MAP3K5: variants seen among roughly 807,000 people sequenced by gnomAD.
The protein encoded by MAP3K5 is ASK-1.
A neutral mutation model predicts 158.7 loss-of-function variants in MAP3K5; 56 were observed. The ratio of observed to expected loss-of-function variants is 0.35; its 90% CI spans 0.28 to 0.44. The LOEUF (loss-of-function observed/expected upper bound fraction) is 0.44. MAP3K5 is among the 20% of genes least tolerant of loss of function. The pLI is 1.00. For missense variants in MAP3K5, 1,294 were observed against 1,674.8 expected, an observed-to-expected ratio of 0.77 and a Z score of 3.97; for synonymous variants, 579 against 601.7, an observed-to-expected ratio of 0.96 and a Z score of 0.55.
chr6:136,634,858 C>T (rs1777544539), intron 14 of MAP3K5, among the ~76,000 whole-genome samples: 1 of 151,770 alleles, frequency 6.6e-6, no homozygotes, highest in Non-Finnish European at 1.5e-5. Context: ...TGAGCCACCA[C>T]ACCTGACTTC....
intron 18 of MAP3K5, among the ~76,000 whole-genome samples, chr6:136,606,372 G>A (rs1490057694): frequency 3.3e-5 from 5 of 151,970 alleles, no homozygotes; most frequent in African/African-American, 1.2e-4. Context: ...CAAACAAAAA[G>A]AATACAATGA....
chr6:136,605,001 T>C (rs1583259301), intron 19 of MAP3K5, among the ~76,000 whole-genome samples: 1 of 152,206 alleles, frequency 6.6e-6, no homozygotes, highest in Non-Finnish European at 1.5e-5. Flanking sequence ...TCTCACTTTA[T>C]AGCTGAGAAA....
At chr6:136,705,171 C>T (rs1562630082) in intron 2 of MAP3K5, 38 bp from the exon 3 acceptor site, 1 of 957,206 alleles carries the variant, frequency 1.0e-6, no homozygotes, top group African/African-American at 1.8e-5. Flanking sequence ...CAAGTTAATA[C>T]AAAACTGAAT....
chr6:136,646,195 T>C (rs546927390), intron 11 of MAP3K5, among the ~76,000 whole-genome samples: 34 of 152,250 alleles, frequency 2.2e-4, no homozygotes, highest in African/African-American at 7.9e-4. Context: ...ACAAGGAGAA[T>C]TTTTTAGCAC....
intron 26 of MAP3K5, among the ~76,000 whole-genome samples, chr6:136,562,837 A>AT (rs3040779): frequency 0.025 from 3,152 of 124,798 alleles, 94 homozygotes; most frequent in Admixed American, 0.07. Context: ...TGCCTGGCTA[A>AT]TTTTTTTTTT....
At chr6:136,787,984 T>C (rs1784916867) in intron 1 of MAP3K5, among the ~76,000 whole-genome samples, 1 of 152,244 alleles carries the variant, frequency 6.6e-6, no homozygotes, top group African/African-American at 2.4e-5. Context: ...GAAATCATAC[T>C]TTGTGAGGTA....
intron 7 of MAP3K5, among the ~76,000 whole-genome samples, chr6:136,685,975 T>C (rs866622416): frequency 6.6e-6 from 1 of 152,150 alleles, no homozygotes; most frequent in Non-Finnish European, 1.5e-5. Context: ...AATAAGACTA[T>C]GTTTGCACTA....
chr6:136,626,909 G>A (rs1198564847), intron 14 of MAP3K5, among the ~76,000 whole-genome samples: 1 of 152,092 alleles, frequency 6.6e-6, no homozygotes, highest in Admixed American at 6.6e-5. Flanking sequence ...CAGAGTTGTG[G>A]TTTGAAACCA....
chr6:136,761,945 A>C (rs1783778111), intron 1 of MAP3K5, among the ~76,000 whole-genome samples: 1 of 152,332 alleles, frequency 6.6e-6, no homozygotes, highest in South Asian at 2.1e-4. Flanking sequence ...TTTGGGGAGG[A>C]CTGGGCATTC....
chr6:136,715,855 A>T lies in MAP3K5; in HGVS notation c.588+4595T>A, dbSNP rs536128700. Among the ~76,000 whole-genome samples, 10 of 151,730 alleles carry T rather than the reference A, an allele frequency of 6.6e-5. No homozygotes were observed. The East Asian group carries it at 1.9e-3, about 29-fold the overall frequency. On this transcript the variant is annotated intron_variant, in intron 2 of 29. Transcript: ENST00000359015. ...ATATCAGCCTGGCCAACATGGCGAA[A>T]CCCCGTCTCTACTAAAATACAAAAA...
chr6:136,664,061 C>T (rs529556491), intron 8 of MAP3K5, among the ~76,000 whole-genome samples: 42 of 152,248 alleles, frequency 2.8e-4, no homozygotes, highest in African/African-American at 9.1e-4. Flanking sequence ...GGGCCACACA[C>T]GGGAGGTGAG....
At chr6:136,665,578 T>C (rs1214814094) in intron 8 of MAP3K5, among the ~76,000 whole-genome samples, 1 of 152,154 alleles carries the variant, frequency 6.6e-6, no homozygotes, top group Non-Finnish European at 1.5e-5. Flanking sequence ...ACTCCTGACC[T>C]CAGGTAATCC....
chr6:136,709,329 A>G (rs1392292686), intron 2 of MAP3K5, among the ~76,000 whole-genome samples: 2 of 152,200 alleles, frequency 1.3e-5, no homozygotes, highest in African/African-American at 4.8e-5. Context: ...CTCTGCTCCC[A>G]GCTAGCCATT....
At chr6:136,675,760 A>C (rs1779678074) in intron 7 of MAP3K5, among the ~76,000 whole-genome samples, 1 of 152,172 alleles carries the variant, frequency 6.6e-6, no homozygotes, top group Non-Finnish European at 1.5e-5. Flanking sequence ...TATAATAAAG[A>C]AAGCTGAAAT....
chr6:136,606,656 T>C (rs1776114275), intron 18 of MAP3K5, among the ~76,000 whole-genome samples: 1 of 152,176 alleles, frequency 6.6e-6, no homozygotes, highest in Non-Finnish European at 1.5e-5. Flanking sequence ...ATACAAATAA[T>C]ATAGTCAGCA....
chr6:136,701,146 C>A (rs1780837757), intron 3 of MAP3K5, among the ~76,000 whole-genome samples: 2 of 152,168 alleles, frequency 1.3e-5, no homozygotes, highest in African/African-American at 4.8e-5. Flanking sequence ...AGCCCAGGGA[C>A]TCTTTCTCTA....
At chr6:136,756,451 T>G (rs1783491004) in intron 1 of MAP3K5, among the ~76,000 whole-genome samples, 1 of 152,220 alleles carries the variant, frequency 6.6e-6, no homozygotes, top group Non-Finnish European at 1.5e-5. Flanking sequence ...ATTGCCTTTT[T>G]GTTGCTGTTG....
intron 14 of MAP3K5, among the ~76,000 whole-genome samples, chr6:136,628,232 C>T (rs933365304): frequency 6.6e-6 from 1 of 152,014 alleles, no homozygotes; most frequent in Non-Finnish European, 1.5e-5. Flanking sequence ...CCACTTCAGC[C>T]TCCTCAACAG....
intron 1 of MAP3K5, among the ~76,000 whole-genome samples, chr6:136,754,817 A>G (rs2114938590): frequency 6.6e-6 from 1 of 152,266 alleles, no homozygotes; most frequent in East Asian, 1.9e-4. Flanking sequence ...GGGAAGAATG[A>G]TGTCAGTGCA....
Sources: gnomAD v4.1 joint callset for allele counts (sites outside exome capture counted in the v4.1 genomes callset) on GRCh38, gnomAD v4.1.1 for gene constraint, MANE v1.5 for transcripts, NCBI Gene and HGNC (gene_info 2026-07-23, HGNC 2026-07-21) for gene names.